Variants in HPSE2 observed in about 807,000 individuals in gnomAD.
HPSE2 encodes inactive heparanase-2.
A neutral mutation model predicts 60.5 loss-of-function variants in HPSE2; 38 were observed. The ratio of observed to expected loss-of-function variants is 0.63; its 90% CI spans 0.48 to 0.82. HPSE2 has a LOEUF of 0.82. Among genes scored for constraint, HPSE2 ranks in the 40% least tolerant of loss-of-function variants. The pLI, the probability that HPSE2 is intolerant of heterozygous loss-of-function variation, is 0.00. For synonymous variants in HPSE2, 295 were observed against 293.2 expected (o/e 1.01, Z -0.06); for missense variants, 713 against 740.4 (o/e 0.96, Z 0.43).
At chr10:98,711,887 A>T (rs1352842102) in intron 5 of HPSE2, among the ~76,000 whole-genome samples, 1 of 152,124 alleles carries the variant, frequency 6.6e-6, no homozygotes, top group Non-Finnish European at 1.5e-5. Context: ...TCACATCCCC[A>T]CACATCTGCT....
intron 2 of HPSE2, among the ~76,000 whole-genome samples, chr10:99,198,745 T>C (rs550331432): frequency 6.6e-6 from 1 of 152,278 alleles, no homozygotes; most frequent in East Asian, 1.9e-4. Flanking sequence ...CAAATAACTG[T>C]TGTTAACTAA....
intron 3 of HPSE2, among the ~76,000 whole-genome samples, chr10:99,099,789 C>T (rs1034316138): frequency 3.9e-5 from 6 of 152,144 alleles, no homozygotes; most frequent in South Asian, 2.1e-4. Context: ...CCCTCTGAGA[C>T]GAAGCTTCCA....
chr10:99,265,505 G>A, the HPSE2 span, among the ~76,000 whole-genome samples: 31 of 152,312 alleles, frequency 2.0e-4, 1 homozygote, highest in South Asian at 6.4e-3. Context: ...TAGGTGACGG[G>A]ATGATCAGTG....
intron 3 of HPSE2, among the ~76,000 whole-genome samples, chr10:98,869,050 T>C (rs915388075): frequency 1.1e-4 from 16 of 152,098 alleles, no homozygotes; most frequent in African/African-American, 3.4e-4. Flanking sequence ...TGTGAGTATG[T>C]GTATGTGTGC....
chr10:99,258,319 A>G, the HPSE2 span, among the ~76,000 whole-genome samples: 1 of 152,314 alleles, frequency 6.6e-6, no homozygotes, highest in South Asian at 2.1e-4. Context: ...TAAAGCCAAC[A>G]AAAGATGTGC....
chr10:98,827,161 T>A (rs150532306), intron 3 of HPSE2, among the ~76,000 whole-genome samples: 2 of 10,444 alleles, frequency 1.9e-4, no homozygotes, highest in Admixed American at 6.1e-4. Context: ...TAAAAAAAAA[T>A]TTTTTTTTAA....
At chr10:98,771,970 A>C (rs1950250339) in intron 3 of HPSE2, among the ~76,000 whole-genome samples, 1 of 152,194 alleles carries the variant, frequency 6.6e-6, no homozygotes, top group Admixed American at 6.5e-5. Flanking sequence ...CCCAAAGGAC[A>C]CCATTTGCTA....
At chr10:98,467,701 T>A (rs1367664229) in intron 11 of HPSE2, among the ~76,000 whole-genome samples, 1 of 152,142 alleles carries the variant, frequency 6.6e-6, no homozygotes, top group Non-Finnish European at 1.5e-5. Flanking sequence ...TCCGCCTGCC[T>A]CCAAATCCCG....
intron 3 of HPSE2, among the ~76,000 whole-genome samples, chr10:99,121,919 A>T (rs1394441548): frequency 2.6e-5 from 4 of 152,168 alleles, no homozygotes; most frequent in Non-Finnish European, 5.9e-5. Context: ...TGATACATCC[A>T]TACAATGTAA....
chr10:98,491,872 G>A (rs1038643676), intron 9 of HPSE2, among the ~76,000 whole-genome samples: 1 of 152,166 alleles, frequency 6.6e-6, no homozygotes, highest in African/African-American at 2.4e-5. Context: ...AACCTAAAGG[G>A]TGGGTATAGA....
chr10:98,588,661 C>T (rs991860876), intron 9 of HPSE2, among the ~76,000 whole-genome samples: 1 of 151,922 alleles, frequency 6.6e-6, no homozygotes, highest in Non-Finnish European at 1.5e-5. Context: ...AACGCTCATG[C>T]TCAACAGCAG....
intron 2 of HPSE2, among the ~76,000 whole-genome samples, chr10:99,222,822 C>T (rs1051459511): frequency 2.0e-5 from 3 of 152,154 alleles, no homozygotes; most frequent in Non-Finnish European, 4.4e-5. Flanking sequence ...CTGCAGTTAT[C>T]GTTCTCTGTT....
chr10:98,498,015 C>T (rs141464791), intron 9 of HPSE2, among the ~76,000 whole-genome samples: 10 of 152,194 alleles, frequency 6.6e-5, no homozygotes, highest in East Asian at 1.9e-4. Context: ...ACTTTTGATC[C>T]GAAAGACAAA....
intron 2 of HPSE2, among the ~76,000 whole-genome samples, chr10:99,155,642 G>C (rs1347635094): frequency 2.7e-5 from 4 of 147,148 alleles, no homozygotes; most frequent in South Asian, 4.5e-4. Flanking sequence ...ATGCCCACAA[G>C]AGAAAGCAGG....
chr10:99,139,012 A>C lies in HPSE2; in HGVS notation c.610+5226T>G, dbSNP rs191180202. On this transcript the variant is annotated intron_variant, in intron 3 of 11. Coordinates refer to ENST00000370552, the MANE Select transcript of HPSE2 (RefSeq NM_021828.5). ...ATATGTTTATTGCAGCACAATTTACAATTGTAAAGATTTGGAACCACCCTA... is the reference window on the plus strand; with the variant it reads ...ATATGTTTATTGCAGCACAATTTACCATTGTAAAGATTTGGAACCACCCTA... Among the ~76,000 whole-genome samples, 260 of 152,328 alleles carry C rather than the reference A, an allele frequency of 1.7e-3. 3 individuals are homozygous for C. Among genetic ancestry groups the C allele is most frequent in the African/African-American group, 5.7e-3 (237 of 41,570 alleles).
chr10:98,504,060 C>T (rs186134570), intron 9 of HPSE2, among the ~76,000 whole-genome samples: 41 of 152,196 alleles, frequency 2.7e-4, no homozygotes, highest in African/African-American at 9.9e-4. Context: ...AGGTAGAATA[C>T]GAAAGGTGAA....
At chr10:98,802,994 CTT>C (rs1183616453) in intron 3 of HPSE2, among the ~76,000 whole-genome samples, 3 of 145,186 alleles carry the variant, frequency 2.1e-5, no homozygotes, top group African/African-American at 7.7e-5. Flanking sequence ...TGTTTCCTGA[CTT>C]TTTAATGATT....
At chr10:98,484,132 T>C (rs1396941778) in intron 10 of HPSE2, among the ~76,000 whole-genome samples, 1 of 152,242 alleles carries the variant, frequency 6.6e-6, no homozygotes, top group Non-Finnish European at 1.5e-5. Context: ...ATTTGCCATT[T>C]CATTTCTTCT....
In HPSE2 at chr10:98,492,362, C is replaced by T. The variant is rs540849879; in HGVS notation, c.1321-2166G>A. Among the ~76,000 whole-genome samples, 8 of 151,968 alleles carry T rather than the reference C, an allele frequency of 5.3e-5. No homozygotes were observed. The South Asian group carries it at 1.5e-3, about 28-fold the overall frequency. On this transcript the variant is annotated intron_variant, in intron 9 of 11. Coordinates refer to ENST00000370552, the MANE Select transcript of HPSE2 (RefSeq NM_021828.5). ...CTAAAAATACAAAAAATTAGCAGGG[C>T]GTGGTGATGGGCGCCTGTAGTCCCA...
Sources: gnomAD v4.1 joint callset for allele counts (sites outside exome capture counted in the v4.1 genomes callset) on GRCh38, gnomAD v4.1.1 for gene constraint, MANE v1.5 for transcripts, NCBI Gene and HGNC (gene_info 2026-07-23, HGNC 2026-07-21) for gene names.